Variants in EXOC2 observed in about 807,000 individuals in gnomAD.
EXOC2 encodes the protein exocyst complex component 2.
EXOC2 carries 70 observed loss-of-function variants against 131.8 expected under a neutral mutation model. The ratio of observed to expected loss-of-function variants is 0.53; its 90% CI spans 0.44 to 0.65. The LOEUF (loss-of-function observed/expected upper bound fraction) is 0.65, where lower values mean the gene tolerates loss of function less well. EXOC2 is among the 30% of genes least tolerant of loss of function. The pLI, the probability that EXOC2 is intolerant of heterozygous loss-of-function variation, is 0.00. For synonymous variants in EXOC2, 411 were observed against 398.4 expected (o/e 1.03, Z -0.38); for missense variants, 923 against 1,108.6 (o/e 0.83, Z 2.38).
At chr6:644,222 A>G (rs562716032) in intron 1 of EXOC2, among the ~76,000 whole-genome samples, 4 of 152,290 alleles carry the variant, frequency 2.6e-5, no homozygotes, top group African/African-American at 7.2e-5. Flanking sequence ...GTGAATTACC[A>G]TATTAAAAGT....
chr6:680,969 CAG>C, intron 1 of EXOC2, among the ~76,000 whole-genome samples: 1 of 148,158 alleles, frequency 6.7e-6, no homozygotes, highest in Non-Finnish European at 1.5e-5. Flanking sequence ...ACAACAGCAG[CAG>C]AGACCTCAAA....
chr6:554,979 T>C (rs1482323904), intron 20 of EXOC2, among the ~76,000 whole-genome samples: 5 of 152,228 alleles, frequency 3.3e-5, no homozygotes, highest in Non-Finnish European at 7.3e-5. Flanking sequence ...TAAAACCTGT[T>C]CTTTGGATAA....
intron 1 of EXOC2, among the ~76,000 whole-genome samples, chr6:652,024 C>A (rs937757252): frequency 1.5e-4 from 22 of 151,210 alleles, no homozygotes; most frequent in African/African-American, 5.3e-4. Flanking sequence ...CCACTGCACT[C>A]CAGCCTGGGC....
At chr6:662,498 A>T (rs909462067) in intron 1 of EXOC2, among the ~76,000 whole-genome samples, 1 of 152,238 alleles carries the variant, frequency 6.6e-6, no homozygotes, top group Non-Finnish European at 1.5e-5. Context: ...AACTCCAAAC[A>T]GAACCTTCAA....
chr6:570,098 C>T lies in EXOC2; in HGVS notation c.1443+2422G>A, dbSNP rs75447289. On this transcript the variant is annotated intron_variant, in intron 13 of 27. Coordinates refer to ENST00000230449, the MANE Select transcript of EXOC2 (RefSeq NM_018303.6). ...AACACTTGGCTGGAAACAAACACTA[C>T]GGCTTAAAATCCATGTCCTAAAAGA... 3.6e-3 allele frequency among the ~76,000 whole-genome samples: 551 copies of T among 151,620 alleles called. 5 individuals are homozygous for T. Among genetic ancestry groups the T allele is most frequent in the African/African-American group, 0.013 (521 of 41,358 alleles).
chr6:656,548 G>T (rs1763106657), intron 1 of EXOC2: 2 of 1,598,896 alleles, frequency 1.3e-6, no homozygotes, highest in Non-Finnish European at 1.7e-6. Context: ...ACCCGCACGG[G>T]CAGATCGTGC....
At chr6:537,258 G>A (rs1489397940) in intron 22 of EXOC2, among the ~76,000 whole-genome samples, 3 of 148,954 alleles carry the variant, frequency 2.0e-5, no homozygotes, top group East Asian at 2.0e-4. Flanking sequence ...GGGCACACAC[G>A]AGATGACGGC....
chr6:557,715 G>GCC (rs1757496059), intron 17 of EXOC2, among the ~76,000 whole-genome samples: 1 of 152,000 alleles, frequency 6.6e-6, no homozygotes, highest in Non-Finnish European at 1.5e-5. Context: ...CCCCAAGACT[G>GCC]TGAGAACATT....
chr6:581,045 G>A (rs570143214), intron 11 of EXOC2, among the ~76,000 whole-genome samples: 27 of 152,290 alleles, frequency 1.8e-4, no homozygotes, highest in African/African-American at 5.8e-4. Flanking sequence ...TGTAATCCCA[G>A]CACTTTGGGA....
rs375830526 is a variant in EXOC2 at position 523,285 on chromosome 6, G to A, written c.2380+9184C>T. Among the ~76,000 whole-genome samples the A allele has an allele frequency of 1.1e-3, 175 of 152,342 alleles. 3 individuals carry two copies. In the South Asian group the frequency reaches 0.035, roughly 30 times the overall value. On this transcript the variant is annotated intron_variant, in intron 23 of 27. Coordinates refer to ENST00000230449, the MANE Select transcript of EXOC2 (RefSeq NM_018303.6). ...AGATCAGTACCCTGGCTCCCCAGAT[G>A]CTGAGGGAGCACACTCGTGCTTACC...
intron 23 of EXOC2, chr6:524,772 T>C (rs1332361287): frequency 6.6e-6 from 1 of 152,236 alleles, no homozygotes; most frequent in Non-Finnish European, 1.5e-5. Flanking sequence ...TTTCTATATT[T>C]AATCATCTTT....
chr6:656,890 C>T (rs1763143987), intron 1 of EXOC2: 2 of 1,597,022 alleles, frequency 1.3e-6, no homozygotes, highest in Non-Finnish European at 8.5e-7. Flanking sequence ...GTGCCGCTGA[C>T]GTGAATGAAC....
In EXOC2 at chr6:485,447, G is replaced by A. The variant is rs1762993238; in HGVS notation, c.*1224C>T. ...GTGCTCTAAAATTACTTGCATTAAT[G>A]AGGACATTAATTTTAGCATTTAAAA... On this transcript the variant is annotated 3_prime_UTR_variant, in exon 28 of 28. Coordinates refer to ENST00000230449, the MANE Select transcript of EXOC2 (RefSeq NM_018303.6). The A allele has an allele frequency of 6.6e-6, 1 of 152,126 alleles. No homozygotes were observed. Among genetic ancestry groups the A allele is most frequent in the South Asian group, 2.1e-4 (1 of 4,824 alleles). 9.4% of individuals were successfully genotyped at this position (152,126 alleles called of 1,614,324 possible). A position where few individuals can be genotyped will look rare whatever the true frequency, so the allele number is the denominator to read the frequency against.
At chr6:592,778 C>A (rs981413243) in intron 10 of EXOC2, among the ~76,000 whole-genome samples, 191 bp from the exon 11 acceptor site, 6 of 152,074 alleles carry the variant, frequency 3.9e-5, no homozygotes, top group African/African-American at 1.2e-4. Context: ...GTAATCCCAG[C>A]ACTTTGGGAG....
intron 23 of EXOC2, among the ~76,000 whole-genome samples, chr6:509,335 C>T (rs1194977122): frequency 1.3e-5 from 2 of 152,160 alleles, no homozygotes; most frequent in Non-Finnish European, 2.9e-5. Context: ...AGTGGAATTG[C>T]TGAGTGCAAA....
intron 13 of EXOC2, among the ~76,000 whole-genome samples, chr6:569,252 A>G (rs994816350): frequency 6.6e-6 from 1 of 152,206 alleles, no homozygotes; most frequent in African/African-American, 2.4e-5. Context: ...TTAACCTACT[A>G]TTAACCATTT....
At chr6:644,981 G>A (rs887622981) in intron 1 of EXOC2, among the ~76,000 whole-genome samples, 1 of 152,064 alleles carries the variant, frequency 6.6e-6, no homozygotes, top group Admixed American at 6.5e-5. Context: ...AATTCCAGTA[G>A]ATATTCGAAC....
At chr6:691,734 T>C (rs1764935933) in intron 1 of EXOC2, among the ~76,000 whole-genome samples, 1 of 152,204 alleles carries the variant, frequency 6.6e-6, no homozygotes, top group African/African-American at 2.4e-5. Context: ...TCAACTGTAG[T>C]TCAAAATGGC....
At chr6:525,897 A>G (rs994799154) in intron 23 of EXOC2, among the ~76,000 whole-genome samples, 2 of 152,216 alleles carry the variant, frequency 1.3e-5, no homozygotes, top group African/African-American at 4.8e-5. Context: ...GCATTTACTT[A>G]TCCATCTATC....
Sources: gnomAD v4.1 joint callset for allele counts (sites outside exome capture counted in the v4.1 genomes callset) on GRCh38, gnomAD v4.1.1 for gene constraint, MANE v1.5 for transcripts, NCBI Gene and HGNC (gene_info 2026-07-23, HGNC 2026-07-21) for gene names.